The following LRRC69 variants were observed in gnomAD, a reference collection of about 807,000 sequenced individuals.
LRRC69 encodes leucine rich repeat containing 69.
LRRC69 carries 42 observed loss-of-function variants against 37.8 expected under a neutral mutation model. The observed-to-expected ratio is 1.11, with a 90% CI of 0.87 to 1.44. The LOEUF (loss-of-function observed/expected upper bound fraction) is 1.44, where lower values mean the gene tolerates loss of function less well. Ranked by LOEUF, LRRC69 falls within the 40% of genes most tolerant of loss-of-function variation. LRRC69 has a pLI of 0.00. For synonymous variants in LRRC69, 141 were observed against 143.1 expected, an observed-to-expected ratio of 0.99 and a Z score of 0.11; for missense variants, 357 against 401.9, an observed-to-expected ratio of 0.89 and a Z score of 0.96.
At chr8:91,155,187 A>G (rs971777976) in intron 5 of LRRC69, among the ~76,000 whole-genome samples, 1 of 151,376 alleles carries the variant, frequency 6.6e-6, no homozygotes, top group African/African-American at 2.4e-5. Context: ...GGACCTCTTC[A>G]AGGAGAACCA....
chr8:91,206,397 A>G (rs1292337844), intron 7 of LRRC69, among the ~76,000 whole-genome samples: 2 of 152,208 alleles, frequency 1.3e-5, no homozygotes, highest in Non-Finnish European at 2.9e-5. Flanking sequence ...CGGTGGGAAA[A>G]TGAGGATAGA....
At chr8:91,139,368 C>T (rs1038600342) in intron 5 of LRRC69, among the ~76,000 whole-genome samples, 7 of 152,006 alleles carry the variant, frequency 4.6e-5, no homozygotes, top group East Asian at 2.0e-4. Flanking sequence ...AGTTAAACCC[C>T]ATCTCTACTA....
At chr8:91,198,362 T>TC (rs1372608560) in intron 6 of LRRC69, among the ~76,000 whole-genome samples, 1 of 152,122 alleles carries the variant, frequency 6.6e-6, no homozygotes, top group African/African-American at 2.4e-5. Flanking sequence ...AGCAAATAAG[T>TC]CATAGAGCCA....
chr8:91,163,349 A>G (rs1019994249), intron 5 of LRRC69, among the ~76,000 whole-genome samples: 4 of 151,488 alleles, frequency 2.6e-5, no homozygotes, highest in African/African-American at 9.7e-5. Flanking sequence ...TCATTGCTGT[A>G]TTTTATTGCC....
At chr8:91,134,846 C>A (rs1813880648) in intron 4 of LRRC69, among the ~76,000 whole-genome samples, 2 of 152,122 alleles carry the variant, frequency 1.3e-5, no homozygotes, top group Non-Finnish European at 1.5e-5. Context: ...TTTCCTTAAC[C>A]CTTCGTAACA....
chr8:91,174,946 T>C (rs894430409), intron 5 of LRRC69, among the ~76,000 whole-genome samples: 6 of 152,054 alleles, frequency 3.9e-5, no homozygotes, highest in African/African-American at 1.2e-4. Flanking sequence ...GAGTCTTAGA[T>C]TGAGAGAAGA....
rs1438205784 is a variant in LRRC69 at position 91,119,783 on chromosome 8, T to TC, written c.184-4709dup. On this transcript the variant is annotated intron_variant, in intron 1 of 7. Coordinates refer to ENST00000448384, the Ensembl canonical transcript of LRRC69. ...CAGACATCATCCTTCAGGAACTCTC[T>TC]CATCTTTTCATCACGAATTCATCTA... is the stretch of plus-strand genomic sequence containing the variant. 7.2e-5 allele frequency among the ~76,000 whole-genome samples: 11 copies of TC among 152,140 alleles called. No homozygotes were observed. The East Asian group carries it at 1.9e-3, about 27-fold the overall frequency.
chr8:91,189,940 C>T (rs1809465272), intron 6 of LRRC69, among the ~76,000 whole-genome samples: 1 of 152,126 alleles, frequency 6.6e-6, no homozygotes, highest in Non-Finnish European at 1.5e-5. Flanking sequence ...TTAGTGTAGT[C>T]TTTACCTCTT....
chr8:91,164,214 G>A (rs1429795419), intron 5 of LRRC69, among the ~76,000 whole-genome samples: 3 of 151,608 alleles, frequency 2.0e-5, no homozygotes, highest in Non-Finnish European at 4.4e-5. Context: ...TTGTGGAGAA[G>A]GTATTGTGAG....
chr8:91,184,691 C>G (rs1586271990), intron 5 of LRRC69, among the ~76,000 whole-genome samples: 1 of 152,160 alleles, frequency 6.6e-6, no homozygotes, highest in South Asian at 2.1e-4. Flanking sequence ...TCCCTCTCAA[C>G]CACTAAAGAT....
intron 7 of LRRC69, among the ~76,000 whole-genome samples, chr8:91,202,157 G>A (rs1019815379): frequency 1.3e-5 from 2 of 152,162 alleles, no homozygotes; most frequent in Non-Finnish European, 2.9e-5. Context: ...AGTTAACCGA[G>A]ATTGCACCAC....
intron 7 of LRRC69, among the ~76,000 whole-genome samples, chr8:91,203,486 G>A (rs1330091910): frequency 6.6e-6 from 1 of 151,302 alleles, no homozygotes; most frequent in African/African-American, 2.4e-5. Context: ...TCCATCTCCT[G>A]TGTTCAAGCA....
chr8:91,195,828 C>T (rs199669089), intron 6 of LRRC69, among the ~76,000 whole-genome samples: 1 of 150,632 alleles, frequency 6.6e-6, no homozygotes. Context: ...TTAATTGGAG[C>T]ATTTAGTCCA....
chr8:91,121,249 A>G (rs1404288751), intron 1 of LRRC69, among the ~76,000 whole-genome samples: 1 of 152,058 alleles, frequency 6.6e-6, no homozygotes, highest in Admixed American at 6.6e-5. Flanking sequence ...ACCCCTGCAG[A>G]TTCTGCTGTA....
intron 5 of LRRC69, chr8:91,157,693 C>G (rs377156986): frequency 1.3e-6 from 2 of 1,597,396 alleles, no homozygotes; most frequent in Non-Finnish European, 8.6e-7. Context: ...ATTACACAGG[C>G]GGCATGAAGC....
At chr8:91,141,230 G>A (rs1294713641) in intron 5 of LRRC69, among the ~76,000 whole-genome samples, 1 of 152,062 alleles carries the variant, frequency 6.6e-6, no homozygotes, top group African/African-American at 2.4e-5. Context: ...TGTTTTATTA[G>A]TTTCCTGAGG....
chr8:91,165,425 G>C (rs1001264362), intron 5 of LRRC69, among the ~76,000 whole-genome samples: 2 of 151,752 alleles, frequency 1.3e-5, no homozygotes, highest in Non-Finnish European at 2.9e-5. Context: ...AAAGCTGATC[G>C]TGTCACTGTG....
At chr8:91,186,508 G>T (rs1809410206) in intron 5 of LRRC69, among the ~76,000 whole-genome samples, 1 of 152,100 alleles carries the variant, frequency 6.6e-6, no homozygotes, top group East Asian at 1.9e-4. Context: ...ATCTCTGAAA[G>T]CTTAAAAGGG....
At chr8:91,162,114 A>G (rs1413652713) in intron 5 of LRRC69, among the ~76,000 whole-genome samples, 1 of 151,372 alleles carries the variant, frequency 6.6e-6, no homozygotes, top group Non-Finnish European at 1.5e-5. Flanking sequence ...TGTGATCTGA[A>G]AGATACTTAT....
Sources: allele counts gnomAD v4.1 joint callset (sites outside exome capture counted in the v4.1 genomes callset), GRCh38; gene constraint gnomAD v4.1.1; transcripts MANE v1.5; gene names NCBI Gene and HGNC (gene_info 2026-07-23, HGNC 2026-07-21).